ROR2: variants seen among roughly 807,000 people sequenced by gnomAD.
ROR2 encodes ROR family WNT receptor 2, also known as tyrosine-protein kinase transmembrane receptor ROR2.
Under a neutral mutation model 74.9 loss-of-function variants are expected in ROR2, and 33 were observed. The ratio of observed to expected loss-of-function variants is 0.44; its 90% CI spans 0.33 to 0.59. ROR2 has a LOEUF of 0.59. Among genes scored for constraint, ROR2 ranks in the 20% least tolerant of loss-of-function variants. ROR2 has a pLI of 0.02. For synonymous variants in ROR2, 586 were observed against 558.7 expected, an observed-to-expected ratio of 1.05 and a Z score of -0.69; for missense variants, 1,216 against 1,313.8, an observed-to-expected ratio of 0.93 and a Z score of 1.15.
intron 1 of ROR2, among the ~76,000 whole-genome samples, chr9:91,779,880 G>A (rs7029673): frequency 0.23 from 34,676 of 152,202 alleles, 4,179 homozygotes; most frequent in Middle Eastern, 0.35. Flanking sequence ...TACAGGAATT[G>A]TCATTGGCAT....
intron 2 of ROR2, among the ~76,000 whole-genome samples, chr9:91,774,833 G>A (rs1826364342): frequency 1.3e-5 from 2 of 152,188 alleles, no homozygotes; most frequent in Admixed American, 6.5e-5. Flanking sequence ...CCTGAAGAAG[G>A]AAGTCAAGAT....
chr9:91,832,190 A>G (rs978022281), intron 1 of ROR2, among the ~76,000 whole-genome samples: 1 of 152,160 alleles, frequency 6.6e-6, no homozygotes, highest in Admixed American at 6.6e-5. Context: ...GGTGTGAGGG[A>G]AAAATAATTC....
At chr9:91,741,044 G>A (rs1275530041) in intron 4 of ROR2, among the ~76,000 whole-genome samples, 2 of 152,124 alleles carry the variant, frequency 1.3e-5, no homozygotes, top group African/African-American at 2.4e-5. Context: ...GCTCACGCCT[G>A]TAATCCCAGA....
chr9:91,736,829 G>A (rs1041411033), intron 5 of ROR2, among the ~76,000 whole-genome samples: 1 of 152,132 alleles, frequency 6.6e-6, no homozygotes, highest in African/African-American at 2.4e-5. Context: ...CTCAGACCCT[G>A]AACCAGGTAC....
intron 2 of ROR2, among the ~76,000 whole-genome samples, chr9:91,774,064 G>A (rs1043058515): frequency 2.6e-5 from 4 of 152,252 alleles, no homozygotes; most frequent in Non-Finnish European, 5.9e-5. Context: ...TCTGTGGTCT[G>A]TCTGCACTGT....
At chr9:91,866,119 GTT>G (rs896569226) in intron 1 of ROR2, among the ~76,000 whole-genome samples, 1 of 151,862 alleles carries the variant, frequency 6.6e-6, no homozygotes, top group South Asian at 2.1e-4. Context: ...TTTGGGTTTT[GTT>G]TTTTTGTTTA....
intron 1 of ROR2, among the ~76,000 whole-genome samples, chr9:91,867,931 T>C (rs1829690165): frequency 6.6e-6 from 1 of 152,186 alleles, no homozygotes; most frequent in African/African-American, 2.4e-5. Context: ...CCACAACGGC[T>C]GAACAACACC....
chr9:91,785,112 G>C lies in ROR2; in HGVS notation c.98-9294C>G, dbSNP rs73651524. ...ACACACGTATACACACACACACACA[G>C]AGTTTGCTCCTGGGGTGGCCTCCAC... On this transcript the variant is annotated intron_variant, in intron 1 of 8. Coordinates refer to ENST00000375708, the MANE Select transcript of ROR2 (RefSeq NM_004560.4). 8.1e-3 allele frequency among the ~76,000 whole-genome samples: 1,229 copies of C among 152,210 alleles called. 22 individuals carry two copies. The highest frequency in any genetic ancestry group is 0.027 in the African/African-American group (1,117 of 41,524).
chr9:91,909,332 C>T (rs1830894496), intron 1 of ROR2, among the ~76,000 whole-genome samples: 1 of 152,038 alleles, frequency 6.6e-6, no homozygotes, highest in African/African-American at 2.4e-5. Flanking sequence ...GGAATGAAGA[C>T]CAAACCTGCC....
intron 1 of ROR2, chr9:91,923,620 A>G (rs1169102184): frequency 6.6e-6 from 1 of 152,252 alleles, no homozygotes; most frequent in Non-Finnish European, 1.5e-5. Flanking sequence ...TAACAGGACC[A>G]CAAATATTAC....
intron 1 of ROR2, among the ~76,000 whole-genome samples, chr9:91,817,244 A>G (rs1827970028): frequency 6.6e-6 from 1 of 152,190 alleles, no homozygotes; most frequent in South Asian, 2.1e-4. Context: ...GGGACCCAGC[A>G]GGGAGGGGCA....
chr9:91,775,528 G>A lies in ROR2; in HGVS notation c.175+213C>T, dbSNP rs183791146. ...CATCTGTCCACCCATGCCTCCCTGC[G>A]TGTCACCTCCCACCTGTGGCCCCAA... On this transcript the variant is annotated intron_variant, in intron 2 of 8. Coordinates refer to ENST00000375708, the MANE Select transcript of ROR2 (RefSeq NM_004560.4). Among the ~76,000 whole-genome samples, 114 of 152,238 alleles carry A rather than the reference G, an allele frequency of 7.5e-4. 1 individual carries two copies. In the East Asian group the frequency reaches 0.014, roughly 19 times the overall value.
chr9:91,949,038 G>A (rs1159879469), intron 1 of ROR2: 5 of 698,206 alleles, frequency 7.2e-6, no homozygotes, highest in East Asian at 2.7e-4. Context: ...GGGACTCGGG[G>A]GAAGTGGGGC....
intron 1 of ROR2, among the ~76,000 whole-genome samples, chr9:91,892,590 C>CT (rs547073635): frequency 0.031 from 3,260 of 105,428 alleles, 87 homozygotes; most frequent in South Asian, 0.042. Context: ...CTTTTCTTTT[C>CT]TTTTTTTTTT....
At chr9:91,910,337 C>T (rs1341988373) in intron 1 of ROR2, among the ~76,000 whole-genome samples, 2 of 152,150 alleles carry the variant, frequency 1.3e-5, no homozygotes, top group Non-Finnish European at 2.9e-5. Flanking sequence ...AATATCTGGG[C>T]TTATTACTAC....
intron 1 of ROR2, among the ~76,000 whole-genome samples, chr9:91,806,745 A>G (rs1827561809): frequency 1.3e-5 from 2 of 151,922 alleles, no homozygotes; most frequent in Non-Finnish European, 2.9e-5. Flanking sequence ...ACCCACCACC[A>G]CACCCGGCTA....
At chr9:91,940,084 C>A (rs1206340960) in intron 1 of ROR2, among the ~76,000 whole-genome samples, 1 of 152,180 alleles carries the variant, frequency 6.6e-6, no homozygotes, top group South Asian at 2.1e-4. Flanking sequence ...TTCCAGAATT[C>A]GGAGCTTCCA....
At chr9:91,750,435 A>G (rs1011363177) in intron 4 of ROR2, among the ~76,000 whole-genome samples, 11 of 152,208 alleles carry the variant, frequency 7.2e-5, no homozygotes, top group African/African-American at 2.7e-4. Context: ...TATTTGATGT[A>G]TATTATTGAT....
At chr9:91,863,220 C>G (rs976532409) in intron 1 of ROR2, among the ~76,000 whole-genome samples, 25 of 152,198 alleles carry the variant, frequency 1.6e-4, no homozygotes, top group African/African-American at 6.0e-4. Flanking sequence ...GAGACAGGGT[C>G]TCAGTATGTT....
Sources: gnomAD v4.1 joint callset for allele counts (sites outside exome capture counted in the v4.1 genomes callset) on GRCh38, gnomAD v4.1.1 for gene constraint, MANE v1.5 for transcripts, NCBI Gene and HGNC (gene_info 2026-07-23, HGNC 2026-07-21) for gene names.